Variants in TEX9 observed in about 807,000 individuals in gnomAD.
The protein encoded by TEX9 is testis expressed 9, also known as testis-expressed protein 9.
TEX9 carries 74 observed loss-of-function variants against 59.6 expected under a neutral mutation model. The observed-to-expected ratio is 1.24, with a 90% CI of 1.03 to 1.51. TEX9 has a LOEUF of 1.51. Ranked by LOEUF, TEX9 falls within the 40% of genes most tolerant of loss-of-function variation. The probability of loss-of-function intolerance (pLI) is 0.00; values close to 1 mark genes in which losing one functional copy is unlikely to be tolerated. For synonymous variants in TEX9, 186 were observed against 152.2 expected (o/e 1.22, Z -1.64); for missense variants, 522 against 447.8 (o/e 1.17, Z -1.49).
chr15:56,436,297 G>C (rs1269814288), intron 12 of TEX9, among the ~76,000 whole-genome samples: 3 of 152,184 alleles, frequency 2.0e-5, no homozygotes, highest in Non-Finnish European at 4.4e-5. Context: ...TCAGGATTAA[G>C]AAACTCACTC....
chr15:56,329,768 A>T (rs2046102182), intron 1 of TEX9, among the ~76,000 whole-genome samples: 1 of 152,172 alleles, frequency 6.6e-6, no homozygotes, highest in African/African-American at 2.4e-5. Context: ...AAAAAGAATA[A>T]AAAACAATGA....
chr15:56,287,054 G>A (rs760772553), intron 1 of TEX9, among the ~76,000 whole-genome samples: 39 of 152,110 alleles, frequency 2.6e-4, no homozygotes, highest in Non-Finnish European at 5.0e-4. Context: ...TGCAGCATAG[G>A]ACATGGAGGA....
chr15:56,394,548 T>C lies in TEX9; in HGVS notation c.655-113T>C, dbSNP rs1203414438. On this transcript the variant is annotated intron_variant, in intron 8 of 12. Coordinates refer to ENST00000352903, the Ensembl canonical transcript of TEX9. ...AAGATAAAAATAGACTAATTTGTTT[T>C]TCATGAAACGTGTATAAATATCAAA... 8.5e-6 allele frequency: 7 copies of C among 826,404 alleles called. No individual in the cohort carries two copies. The East Asian group carries it at 2.0e-4, about 23-fold the overall frequency. 51.2% of individuals were successfully genotyped at this position (826,404 alleles called of 1,614,324 possible). A position where few individuals can be genotyped will look rare whatever the true frequency, so the allele number is the denominator to read the frequency against.
chr15:56,406,494 T>C (rs1241055479), intron 9 of TEX9, among the ~76,000 whole-genome samples: 4 of 152,170 alleles, frequency 2.6e-5, no homozygotes, highest in East Asian at 3.8e-4. Context: ...TTATGGAAAG[T>C]GTATGCTTAA....
At chr15:56,280,432 C>T (rs1229075634) in intron 1 of TEX9, among the ~76,000 whole-genome samples, 1 of 152,150 alleles carries the variant, frequency 6.6e-6, no homozygotes, top group Non-Finnish European at 1.5e-5. Context: ...GAGGGATAAC[C>T]TTCCTTGTAT....
chr15:56,269,674 A>T (rs2044476975), intron 1 of TEX9, among the ~76,000 whole-genome samples: 1 of 131,238 alleles, frequency 7.6e-6, no homozygotes, highest in Non-Finnish European at 1.6e-5. Flanking sequence ...TTTTTTTGAG[A>T]CGGAGTCTCG....
chr15:56,272,770 TTG>T (rs1438514442), intron 1 of TEX9, among the ~76,000 whole-genome samples: 1 of 152,178 alleles, frequency 6.6e-6, no homozygotes, highest in East Asian at 1.9e-4. Flanking sequence ...TTTTATTTAG[TTG>T]TGTTTACATC....
the TEX9 span, among the ~76,000 whole-genome samples, chr15:56,452,514 C>G: frequency 1.5e-5 from 2 of 137,146 alleles, no homozygotes; most frequent in Non-Finnish European, 3.2e-5. Flanking sequence ...GTTTTGTTTT[C>G]TTTTTTTCTT....
At chr15:56,388,895 G>T (rs571157338) in intron 5 of TEX9, among the ~76,000 whole-genome samples, 2 of 151,602 alleles carry the variant, frequency 1.3e-5, no homozygotes, top group Admixed American at 1.3e-4. Flanking sequence ...ACAGTGTAGA[G>T]ATCACTCTTC....
At chr15:56,351,042 C>G (rs1472711206) in intron 1 of TEX9, among the ~76,000 whole-genome samples, 1 of 152,128 alleles carries the variant, frequency 6.6e-6, no homozygotes, top group Non-Finnish European at 1.5e-5. Context: ...CATAGGCTGC[C>G]AAACCCCAGA....
At chr15:56,288,835 G>A (rs1275387543) in intron 1 of TEX9, among the ~76,000 whole-genome samples, 1 of 151,052 alleles carries the variant, frequency 6.6e-6, no homozygotes, top group African/African-American at 2.4e-5. Flanking sequence ...CTACACTTTT[G>A]TCTCTCTCTT....
At chr15:56,271,885 A>G (rs1314571735) in intron 1 of TEX9, among the ~76,000 whole-genome samples, 1 of 152,228 alleles carries the variant, frequency 6.6e-6, no homozygotes, top group Non-Finnish European at 1.5e-5. Context: ...TCACGCCTGT[A>G]ATCCCAGCAC....
At chr15:56,322,255 A>C (rs1031959765) in intron 1 of TEX9, among the ~76,000 whole-genome samples, 1 of 152,170 alleles carries the variant, frequency 6.6e-6, no homozygotes, top group Admixed American at 6.5e-5. Flanking sequence ...CAAGTCTGAT[A>C]GGCCTTAGTA....
chr15:56,299,823 C>A (rs8025459), intron 1 of TEX9, among the ~76,000 whole-genome samples: 2,591 of 152,126 alleles, frequency 0.017, 73 homozygotes, highest in African/African-American at 0.059. Flanking sequence ...AAGGAAAGGA[C>A]CCAGTTCTGG....
intron 1 of TEX9, among the ~76,000 whole-genome samples, chr15:56,256,775 T>G (rs2044154376): frequency 6.6e-6 from 1 of 152,102 alleles, no homozygotes; most frequent in Non-Finnish European, 1.5e-5. Flanking sequence ...TTTATTTATT[T>G]GTTTCTTAAA....
chr15:56,304,207 TCTTC>T (rs2045425196), intron 1 of TEX9, among the ~76,000 whole-genome samples: 1 of 152,220 alleles, frequency 6.6e-6, no homozygotes, highest in South Asian at 2.1e-4. Flanking sequence ...TATTTTGACT[TCTTC>T]CTTTCCAATT....
chr15:56,455,779 G>A, the TEX9 span, among the ~76,000 whole-genome samples: 19 of 152,210 alleles, frequency 1.2e-4, no homozygotes, highest in East Asian at 1.9e-4. Flanking sequence ...AATTTAAACT[G>A]TAATCAGAGA....
At chr15:56,373,876 T>C (rs1289350434) in intron 3 of TEX9, among the ~76,000 whole-genome samples, 1 of 152,080 alleles carries the variant, frequency 6.6e-6, no homozygotes, top group East Asian at 1.9e-4. Flanking sequence ...ATCCTCCCTA[T>C]GCCCCAAAAT....
chr15:56,273,639 A>G (rs1414884954), intron 1 of TEX9, among the ~76,000 whole-genome samples: 2 of 152,144 alleles, frequency 1.3e-5, no homozygotes, highest in African/African-American at 4.8e-5. Flanking sequence ...TTTCTGTAAT[A>G]CTTCTGTTTA....
Sources: gnomAD v4.1 joint callset for allele counts (sites outside exome capture counted in the v4.1 genomes callset) on GRCh38, gnomAD v4.1.1 for gene constraint, MANE v1.5 for transcripts, NCBI Gene and HGNC (gene_info 2026-07-23, HGNC 2026-07-21) for gene names.